PCDHA11: variants seen among roughly 807,000 people sequenced by gnomAD.
The protein encoded by PCDHA11 is protocadherin alpha 11.
In PCDHA11, 61 loss-of-function variants were observed where a neutral mutation model predicts 70.3. The ratio of observed to expected loss-of-function variants is 0.87; its 90% CI spans 0.71 to 1.07. PCDHA11 has a LOEUF of 1.07. PCDHA11 is among the 50% of genes least tolerant of loss of function. The pLI, the probability that PCDHA11 is intolerant of heterozygous loss-of-function variation, is 0.00. For missense variants in PCDHA11, 1,324 were observed against 1,237.5 expected, an observed-to-expected ratio of 1.07 and a Z score of -1.05; for synonymous variants, 633 against 555.1, an observed-to-expected ratio of 1.14 and a Z score of -1.97.
chr5:140,936,640 C>G (rs782162757), intron 1 of PCDHA11, among the ~76,000 whole-genome samples: 3 of 152,208 alleles, frequency 2.0e-5, no homozygotes, highest in African/African-American at 7.2e-5. Context: ...TCATAAGCAA[C>G]GTGACTTTAT....
rs781902121 is a variant in PCDHA11 at position 140,870,112 on chromosome 5, G to A, written c.1009G>A (p.Val337Met). The A allele has an allele frequency of 1.2e-6, 2 of 1,613,938 alleles. No individual in the cohort carries two copies. The highest frequency in any genetic ancestry group is 8.5e-7 in the Non-Finnish European group (1 of 1,179,896). ...PPMAGHCTVW[V>M]EILDTNDNSP... ...AATGGCAGGTCACTGTACAGTCTGG[G>A]TGGAAATCTTGGACACCAACGATAA... Residue 337 changes from valine to methionine, a missense_variant, in exon 1 of 4, where the codon GTG becomes ATG. Coordinates refer to ENST00000398640, the MANE Select transcript of PCDHA11 (RefSeq NM_018902.5).
chr5:140,877,949 A>G (rs1554170233), intron 1 of PCDHA11: 1 of 1,348,792 alleles, frequency 7.4e-7, no homozygotes, highest in East Asian at 2.6e-5. Flanking sequence ...AAACTATCGA[A>G]TGTCTCATCT....
chr5:140,884,589 C>T, intron 1 of PCDHA11: 1 of 1,614,146 alleles, frequency 6.2e-7, no homozygotes, highest in Non-Finnish European at 8.5e-7. Flanking sequence ...GCCTTCAGTC[C>T]CAGCCTTCCT....
intron 1 of PCDHA11, among the ~76,000 whole-genome samples, chr5:140,904,512 C>A (rs1251570223): frequency 2.0e-5 from 3 of 151,738 alleles, no homozygotes; most frequent in African/African-American, 7.3e-5. Flanking sequence ...GTGAATTGTG[C>A]TGCTATAAAC....
chr5:140,927,740 G>A (rs782665573), intron 1 of PCDHA11: 5 of 1,614,206 alleles, frequency 3.1e-6, no homozygotes, highest in Middle Eastern at 1.6e-4. Context: ...CTGCGACACC[G>A]CTTTCACGTG....
At chr5:140,965,538 A>G (rs1554227750) in intron 1 of PCDHA11, among the ~76,000 whole-genome samples, 1 of 151,958 alleles carries the variant, frequency 6.6e-6, no homozygotes, top group Non-Finnish European at 1.5e-5. Flanking sequence ...TGGAATCCAA[A>G]TTCCAGCCTG....
intron 1 of PCDHA11, chr5:140,928,490 CT>C: frequency 1.2e-6 from 2 of 1,614,150 alleles, no homozygotes; most frequent in Non-Finnish European, 1.7e-6. Context: ...GGTGGCATTC[CT>C]CCCAGAAGTG....
Position 140,871,283 on chromosome 5 carries a change from C to G in PCDHA11, c.2180C>G (p.Thr727Ser). Residue 727 changes from threonine (T) to serine (S), a missense_variant, in exon 1 of 4, where the codon ACT becomes AGT. Thr to Ser is a moderately conservative substitution (Grantham distance 58). Coordinates refer to ENST00000398640, the MANE Select transcript of PCDHA11 (RefSeq NM_018902.5). Reference sequence around the variant, plus strand: ...GCGCTGTGGTGGTCGGCAACGCCCACTGAGGGCGCGTGCGCGCCGGGGAAG... The same window carrying G: ...GCGCTGTGGTGGTCGGCAACGCCCAGTGAGGGCGCGTGCGCGCCGGGGAAG... The part of the protein sequence containing the change: ...YTALWWSATP[T>S]EGACAPGKPT... 2.5e-6 allele frequency: 4 copies of G among 1,613,936 alleles called. No homozygotes were observed. Among genetic ancestry groups the G allele is most frequent in the Non-Finnish European group, 3.4e-6 (4 of 1,179,936 alleles).
rs372231398 is a variant in PCDHA11, at chr5:140,869,392, G to C, written c.289G>C (p.Gly97Arg). ...TCGGATCGACCGCGAGGAGCTGTGCGGGCAGAGCGCGGAGTGCAGCATCCA... is the reference window on the plus strand; with the variant it reads ...TCGGATCGACCGCGAGGAGCTGTGCCGGCAGAGCGCGGAGTGCAGCATCCA... The part of the protein sequence containing the change: ...NSRIDREELC[G>R]QSAECSIHLE... Residue 97 changes from glycine to arginine, a missense_variant, in exon 1 of 4, where the codon GGG becomes CGG. Transcript: ENST00000398640. 24 of 1,614,164 alleles carry C rather than the reference G, an allele frequency of 1.5e-5. No individual in the cohort carries two copies. Among genetic ancestry groups the C allele is most frequent in the African/African-American group, 1.5e-4 (11 of 75,056 alleles).
At chr5:140,962,295 A>G (rs1215334325) in intron 1 of PCDHA11, among the ~76,000 whole-genome samples, 2 of 152,196 alleles carry the variant, frequency 1.3e-5, no homozygotes, top group African/African-American at 4.8e-5. Flanking sequence ...TTAATATTCT[A>G]TGATTCTTGT....
chr5:140,883,306 C>T (rs2059544095), intron 1 of PCDHA11: 2 of 1,614,050 alleles, frequency 1.2e-6, no homozygotes, highest in Non-Finnish European at 8.5e-7. Context: ...TAAATGATAA[C>T]GCCCCAGAGG....
chr5:141,004,715 G>T (rs989871938), intron 3 of PCDHA11, among the ~76,000 whole-genome samples: 2 of 152,162 alleles, frequency 1.3e-5, no homozygotes, highest in African/African-American at 2.4e-5. Flanking sequence ...CGAATCAGAG[G>T]TTTTTAAATA....
At chr5:140,984,975 T>A (rs571343368) in intron 3 of PCDHA11, among the ~76,000 whole-genome samples, 1 of 152,128 alleles carries the variant, frequency 6.6e-6, no homozygotes, top group Admixed American at 6.5e-5. Flanking sequence ...TCTCGCTCTG[T>A]CCCCCAGGCT....
At chr5:140,934,664 T>C (rs1268113575) in intron 1 of PCDHA11, among the ~76,000 whole-genome samples, 4 of 152,176 alleles carry the variant, frequency 2.6e-5, no homozygotes, top group Non-Finnish European at 5.9e-5. Flanking sequence ...TCTTCCCCTT[T>C]GTTTAGCAGT....
At chr5:141,008,698 G>A (rs246582) in intron 3 of PCDHA11, among the ~76,000 whole-genome samples, 2,594 of 152,212 alleles carry the variant, frequency 0.017, 88 homozygotes, top group African/African-American at 0.059. Context: ...GTATTAAGTT[G>A]GTTTCTAGTT....
chr5:140,943,719 T>C (rs1198620937), intron 1 of PCDHA11, among the ~76,000 whole-genome samples: 2 of 152,126 alleles, frequency 1.3e-5, no homozygotes, highest in Non-Finnish European at 2.9e-5. Context: ...TTTAAAGGTC[T>C]GAGAGAATGA....
intron 1 of PCDHA11, among the ~76,000 whole-genome samples, chr5:140,885,980 C>T (rs888571995): frequency 6.6e-6 from 1 of 151,942 alleles, no homozygotes; most frequent in African/African-American, 2.4e-5. Flanking sequence ...ATTATAGATT[C>T]GCATGTGGTT....
At chr5:140,923,226 G>T (rs2081248805) in intron 1 of PCDHA11, among the ~76,000 whole-genome samples, 1 of 71,914 alleles carries the variant, frequency 1.4e-5, no homozygotes, top group Admixed American at 1.5e-4. Flanking sequence ...GATCGTTTGA[G>T]CCCAGAAGTT....
Position 140,920,254 on chromosome 5 carries a change from A to G in PCDHA11, c.2391+48760A>G, listed in dbSNP as rs117923328. Reference sequence around the variant, plus strand: ...TATATACCCAACAATACATCGCTATAATAATTATTACTTTATGTAATCTTA... The same window carrying G: ...TATATACCCAACAATACATCGCTATGATAATTATTACTTTATGTAATCTTA... On this transcript the variant is annotated intron_variant, in intron 1 of 3. Transcript: ENST00000398640. Among the ~76,000 whole-genome samples the G allele has an allele frequency of 8.5e-5, 13 of 152,332 alleles. No individual in the cohort carries two copies. In the East Asian group the frequency reaches 2.5e-3, roughly 29 times the overall value.
Sources: allele counts gnomAD v4.1 joint callset (sites outside exome capture counted in the v4.1 genomes callset), GRCh38; gene constraint gnomAD v4.1.1; transcripts MANE v1.5; gene names NCBI Gene and HGNC (gene_info 2026-07-23, HGNC 2026-07-21).